The following ZMYM4 variants were observed in gnomAD, a reference collection of about 807,000 sequenced individuals.
ZMYM4 encodes zinc finger MYM-type protein 4.
A neutral mutation model predicts 183.2 loss-of-function variants in ZMYM4; 31 were observed. The ratio of observed to expected loss-of-function variants is 0.17; its 90% CI spans 0.13 to 0.23. ZMYM4 has a LOEUF of 0.23. ZMYM4 is among the 10% of genes least tolerant of loss of function. The pLI, the probability that ZMYM4 is intolerant of heterozygous loss-of-function variation, is 1.00. For missense variants in ZMYM4, 1,273 were observed against 1,840.3 expected (o/e 0.69, Z 5.64); for synonymous variants, 592 against 631.2 (o/e 0.94, Z 0.93).
At chr1:35,362,936 T>C (rs1643976732) in intron 5 of ZMYM4, among the ~76,000 whole-genome samples, 1 of 152,186 alleles carries the variant, frequency 6.6e-6, no homozygotes, top group Non-Finnish European at 1.5e-5. Context: ...CTTGGCAGGC[T>C]GAAGCCAGCA....
At chr1:35,291,661 G>T (rs1207131659) in intron 1 of ZMYM4, among the ~76,000 whole-genome samples, 1 of 135,786 alleles carries the variant, frequency 7.4e-6, no homozygotes, top group Non-Finnish European at 1.5e-5. Flanking sequence ...TTTTGAGACA[G>T]AGTTTCACTC....
chr1:35,291,838 A>G (rs1640778725), intron 1 of ZMYM4, among the ~76,000 whole-genome samples: 1 of 151,778 alleles, frequency 6.6e-6, no homozygotes, highest in South Asian at 2.1e-4. Flanking sequence ...GGGTTTCACC[A>G]TGTGTTGGCC....
chr1:35,392,452 A>T, intron 16 of ZMYM4, 100 bp downstream of exon 16: 1 of 1,448,624 alleles, frequency 6.9e-7, no homozygotes, highest in Non-Finnish European at 9.4e-7. Flanking sequence ...CATTTGACAC[A>T]TTCAATATTA....
At chr1:35,303,696 C>T (rs1641397117) in intron 1 of ZMYM4, among the ~76,000 whole-genome samples, 1 of 152,098 alleles carries the variant, frequency 6.6e-6, no homozygotes, top group Non-Finnish European at 1.5e-5. Context: ...TGATAGAACT[C>T]ATTTTTGGTT....
chr1:35,388,717 TA>T (rs1644636316), intron 13 of ZMYM4, among the ~76,000 whole-genome samples, 192 bp from the exon 14 acceptor site: 1 of 152,064 alleles, frequency 6.6e-6, no homozygotes, highest in South Asian at 2.1e-4. Context: ...TTTTTGTTTT[TA>T]TTTGACATGG....
chr1:35,358,890 C>T, intron 2 of ZMYM4, 35 bp from the exon 3 acceptor site: 3 of 1,567,296 alleles, frequency 1.9e-6, no homozygotes, highest in Non-Finnish European at 2.6e-6. Context: ...ATCTTTAGCA[C>T]TATCATTTGT....
chr1:35,344,557 G>T (rs759482087), intron 2 of ZMYM4, among the ~76,000 whole-genome samples: 1 of 151,862 alleles, frequency 6.6e-6, no homozygotes, highest in African/African-American at 2.4e-5. Context: ...TCATGAATGA[G>T]TATTAAATTT....
At chr1:35,361,510 A>G in intron 4 of ZMYM4, 109 bp from the exon 5 acceptor site, 1 of 1,271,252 alleles carries the variant, frequency 7.9e-7, no homozygotes. Context: ...AAAGCTAATG[A>G]ATGTCCATAG....
intron 22 of ZMYM4, 51 bp downstream of exon 22, chr1:35,399,094 G>A: frequency 6.4e-7 from 1 of 1,564,690 alleles, no homozygotes; most frequent in Non-Finnish European, 8.7e-7. Context: ...TAAAAGATCG[G>A]TACAACTCTG....
intron 23 of ZMYM4, 144 bp downstream of exon 23, chr1:35,399,720 G>T: frequency 2.6e-6 from 2 of 775,806 alleles, no homozygotes; most frequent in Non-Finnish European, 4.0e-6. Flanking sequence ...TTGAATTCAA[G>T]AACCATATAT....
chr1:35,363,320 CA>C lies in ZMYM4; in HGVS notation c.840+1534del, dbSNP rs1216602364. ...TTAGATGTTTTTGGACAGGATTTCT[CA>C]AACTCCACAGCATTGACATTTTGGA... On this transcript the variant is annotated intron_variant, in intron 5 of 29. Transcript: ENST00000314607. Among the ~76,000 whole-genome samples, 3 of 152,170 alleles carry C rather than the reference CA, an allele frequency of 2.0e-5. No homozygotes were observed. In the East Asian group the frequency reaches 5.8e-4, roughly 29 times the overall value.
At position 35,421,894 on chromosome 1, in the gene ZMYM4, C is replaced by G. The variant is rs1640336614; in HGVS notation, c.*2217C>G. 1 of 152,112 alleles carries G rather than the reference C, an allele frequency of 6.6e-6. No homozygotes were observed. Among genetic ancestry groups the G allele is most frequent in the Admixed American group, 6.5e-5 (1 of 15,274 alleles). The allele number at this position is 152,112 out of a possible 1,614,324, so 9.4% of individuals were successfully genotyped here. A position where few individuals can be genotyped will look rare whatever the true frequency, so the allele number is the denominator to read the frequency against. ...TAACCACTTTTAGGTTTTCCCCTTACAGAAACCACAGAAATATTCCCTTAG... is the reference window on the plus strand; with the variant it reads ...TAACCACTTTTAGGTTTTCCCCTTAGAGAAACCACAGAAATATTCCCTTAG... On this transcript the variant is annotated 3_prime_UTR_variant, in exon 30 of 30. Coordinates refer to ENST00000314607, the MANE Select transcript of ZMYM4 (RefSeq NM_005095.3).
intron 21 of ZMYM4, 111 bp from the exon 22 acceptor site, chr1:35,398,753 T>A (rs1644851496): frequency 2.7e-6 from 3 of 1,092,218 alleles, no homozygotes; most frequent in Non-Finnish European, 4.0e-6. Context: ...TAGGTAATTG[T>A]CCATCAACCG....
chr1:35,353,999 A>G (rs1015847014), intron 2 of ZMYM4, among the ~76,000 whole-genome samples: 1 of 151,980 alleles, frequency 6.6e-6, no homozygotes, highest in Non-Finnish European at 1.5e-5. Context: ...TTAAAAAAAA[A>G]TTAGCTGGAT....
intron 28 of ZMYM4, among the ~76,000 whole-genome samples, chr1:35,416,779 G>T (rs1440406052): frequency 6.6e-6 from 1 of 152,102 alleles, no homozygotes; most frequent in Non-Finnish European, 1.5e-5. Context: ...GGGCAAGCTG[G>T]TCTCGAACTC....
chr1:35,312,994 A>G (rs1374266823), intron 1 of ZMYM4, among the ~76,000 whole-genome samples: 1 of 152,164 alleles, frequency 6.6e-6, no homozygotes, highest in Non-Finnish European at 1.5e-5. Context: ...CCTGAGTTCA[A>G]GTGATTCTCC....
intron 1 of ZMYM4, among the ~76,000 whole-genome samples, chr1:35,271,074 A>G (rs1639573178): frequency 1.3e-5 from 2 of 152,178 alleles, no homozygotes; most frequent in Admixed American, 6.5e-5. Flanking sequence ...TCAGTTTTGA[A>G]CTAGATCCTT....
chr1:35,416,147 A>G (rs1640105737), intron 28 of ZMYM4, among the ~76,000 whole-genome samples: 1 of 152,232 alleles, frequency 6.6e-6, no homozygotes, highest in African/African-American at 2.4e-5. Flanking sequence ...TTCTGAAGGA[A>G]CTTAAAAGCT....
At position 35,386,153 on chromosome 1, in the gene ZMYM4, C is replaced by G. The variant is rs775590956; in HGVS notation, c.1800C>G (p.Arg600=). ...TAGCCATGTCAGATGGAAGTATACG[C>G]AACTTCTGCAGCTACAGCTGTGTGG... ...YHLAMSDGSI[R]NFCSYSCVVA... The change falls in exon 11 of 30, where the codon CGC becomes CGG. Residue 600 remains arginine, a synonymous_variant. Transcript: ENST00000314607. The G allele has an allele frequency of 1.9e-6, 3 of 1,613,726 alleles. No homozygotes were observed. Among genetic ancestry groups the G allele is most frequent in the African/African-American group, 1.3e-5 (1 of 74,916 alleles).
Sources: allele counts gnomAD v4.1 joint callset (sites outside exome capture counted in the v4.1 genomes callset), GRCh38; gene constraint gnomAD v4.1.1; transcripts MANE v1.5; gene names NCBI Gene and HGNC (gene_info 2026-07-23, HGNC 2026-07-21).